The following USH2A variants were observed in gnomAD, a reference collection of about 807,000 sequenced individuals.
USH2A encodes the protein Usher syndrome 2A (autosomal recessive, mild).
In USH2A, 443 loss-of-function variants were observed where a neutral mutation model predicts 538.9. That is an observed-to-expected ratio of 0.82 (90% CI 0.76 to 0.89). USH2A has a LOEUF of 0.89. Ranked by LOEUF, USH2A falls within the 40% of genes least tolerant of loss-of-function variation. The pLI, the probability that USH2A is intolerant of heterozygous loss-of-function variation, is 0.00. For missense variants in USH2A, 6,633 were observed against 6,324.8 expected (o/e 1.05, Z -1.65); for synonymous variants, 2,413 against 2,273.5 (o/e 1.06, Z -1.75).
chr1:216,231,238 A>ATATATATATATATTATATATATAT (rs2035673653), intron 14 of USH2A, among the ~76,000 whole-genome samples: 1 of 59,914 alleles, frequency 1.7e-5, no homozygotes, highest in Non-Finnish European at 3.3e-5. Flanking sequence ...TATCCCATAT[A>ATATATATATATATTATATATATAT]TATATATATA....
intron 9 of USH2A, among the ~76,000 whole-genome samples, chr1:216,313,414 C>T (rs1169260991): frequency 6.6e-6 from 1 of 152,184 alleles, no homozygotes; most frequent in African/African-American, 2.4e-5. Flanking sequence ...TCAGTAACTG[C>T]TCTTCTTACC....
chr1:215,887,951 A>G (rs1316570126), intron 41 of USH2A, among the ~76,000 whole-genome samples: 2 of 152,220 alleles, frequency 1.3e-5, no homozygotes, highest in African/African-American at 2.4e-5. Context: ...TTCATTCCCA[A>G]TAGAATGAGG....
At chr1:216,378,110 C>T (rs1357462199) in intron 3 of USH2A, among the ~76,000 whole-genome samples, 1 of 151,642 alleles carries the variant, frequency 6.6e-6, no homozygotes, top group Non-Finnish European at 1.5e-5. Flanking sequence ...CATTTGCATG[C>T]CGATTTGACT....
At chr1:216,267,012 G>A (rs570756433) in intron 11 of USH2A, among the ~76,000 whole-genome samples, 22 of 152,038 alleles carry the variant, frequency 1.4e-4, no homozygotes, top group African/African-American at 5.3e-4. Context: ...TATTGTCTGT[G>A]TATAATTGGT....
intron 11 of USH2A, among the ~76,000 whole-genome samples, chr1:216,288,092 A>C (rs1364187213): frequency 1.3e-5 from 2 of 152,106 alleles, no homozygotes. Flanking sequence ...TTGGGTGGTC[A>C]GCAAAGATAT....
intron 3 of USH2A, among the ~76,000 whole-genome samples, chr1:216,371,137 C>G (rs541193016): frequency 6.6e-6 from 1 of 152,240 alleles, no homozygotes; most frequent in African/African-American, 2.4e-5. Context: ...ATGATTGAAC[C>G]CAAAGGTATC....
intron 37 of USH2A, among the ~76,000 whole-genome samples, chr1:215,949,454 C>T (rs1666856111): frequency 6.6e-6 from 1 of 151,808 alleles, no homozygotes; most frequent in African/African-American, 2.4e-5. Context: ...ATGAAAAGAA[C>T]TAAGACCTTT....
intron 35 of USH2A, among the ~76,000 whole-genome samples, chr1:215,983,192 C>T (rs1397547594): frequency 1.3e-5 from 2 of 152,086 alleles, no homozygotes; most frequent in African/African-American, 2.4e-5. Flanking sequence ...GAACTCCTGA[C>T]CCCAGGTGAT....
chr1:215,641,434 A>G (rs1423522857), intron 67 of USH2A, among the ~76,000 whole-genome samples: 2 of 152,202 alleles, frequency 1.3e-5, no homozygotes, highest in South Asian at 2.1e-4. Flanking sequence ...CACATATAGA[A>G]GCAACTTTGT....
chr1:216,233,225 C>A (rs539880427), intron 13 of USH2A, among the ~76,000 whole-genome samples: 1 of 152,166 alleles, frequency 6.6e-6, no homozygotes, highest in African/African-American at 2.4e-5. Context: ...CCGCTCAGTC[C>A]ATTGCAGTCA....
intron 21 of USH2A, among the ~76,000 whole-genome samples, chr1:216,136,804 C>T (rs1402068095): frequency 3.3e-4 from 50 of 152,144 alleles, no homozygotes; most frequent in Non-Finnish European, 1.5e-5. Flanking sequence ...TGGGGTGACA[C>T]TGCAAAAGGA....
At chr1:216,283,871 G>T (rs1301317816) in intron 11 of USH2A, among the ~76,000 whole-genome samples, 2 of 151,966 alleles carry the variant, frequency 1.3e-5, no homozygotes, top group Non-Finnish European at 2.9e-5. Context: ...TTTTAATATG[G>T]GGTTATGAAT....
chr1:216,183,622 T>TG (rs1309039590), intron 20 of USH2A, among the ~76,000 whole-genome samples: 1 of 152,008 alleles, frequency 6.6e-6, no homozygotes, highest in Non-Finnish European at 1.5e-5. Context: ...TAAAGCTCCT[T>TG]GAAGTCTGCA....
In USH2A at chr1:215,708,702, A is replaced by C. The variant is rs1400337113; in HGVS notation, c.12066+19328T>G. 1.3e-5 allele frequency among the ~76,000 whole-genome samples: 2 copies of C among 152,108 alleles called. 1 individual carries two copies. Among genetic ancestry groups the C allele is most frequent in the Non-Finnish European group, 2.9e-5 (2 of 68,014 alleles). ...TTGCCACAGCTGATCTGTGGAGCAG[A>C]TCTGTGCTCCACTCCTCAGGTGGAG... On this transcript the variant is annotated intron_variant, in intron 61 of 71. Coordinates refer to ENST00000307340, the MANE Select transcript of USH2A (RefSeq NM_206933.4).
intron 4 of USH2A, among the ~76,000 whole-genome samples, chr1:216,347,041 G>A (rs1269189859): frequency 6.6e-6 from 1 of 152,022 alleles, no homozygotes; most frequent in East Asian, 1.9e-4. Context: ...ATAAAATAAA[G>A]ACATTTGGTC....
chr1:216,386,541 C>CTA (rs66638535), intron 3 of USH2A, among the ~76,000 whole-genome samples: 2,028 of 133,030 alleles, frequency 0.015, 12 homozygotes, highest in African/African-American at 0.026. Context: ...AACCAAAAAA[C>CTA]TATATATATA....
At chr1:215,875,956 A>G (rs1664756777) in intron 43 of USH2A, among the ~76,000 whole-genome samples, 1 of 146,740 alleles carries the variant, frequency 6.8e-6, no homozygotes, top group South Asian at 2.1e-4. Context: ...AATGTATATA[A>G]TATATAAAAA....
intron 57 of USH2A, 117 bp downstream of exon 57, chr1:215,759,543 T>C: frequency 7.8e-7 from 1 of 1,279,242 alleles, no homozygotes; most frequent in Non-Finnish European, 1.1e-6. Flanking sequence ...GAATGGCCAA[T>C]GAATGAGGAA....
Position 215,900,234 on chromosome 1 carries a change from T to G in USH2A, c.7452-17A>C. ...GAAAATAACCTGTATGGGAAATAAA[T>G]GTCAATTAGGAAGTTTTCGACATTC... On this transcript the variant is annotated splice_polypyrimidine_tract_variant and intron_variant, in intron 39 of 71. Coordinates refer to ENST00000307340, the MANE Select transcript of USH2A (RefSeq NM_206933.4). The G allele has an allele frequency of 6.2e-7, 1 of 1,612,970 alleles. No homozygotes were observed. The highest frequency in any genetic ancestry group is 8.5e-7 in the Non-Finnish European group (1 of 1,179,540).
Sources: gnomAD v4.1 joint callset for allele counts (sites outside exome capture counted in the v4.1 genomes callset) on GRCh38, gnomAD v4.1.1 for gene constraint, MANE v1.5 for transcripts, NCBI Gene and HGNC (gene_info 2026-07-23, HGNC 2026-07-21) for gene names.